The following PARN variants were observed in gnomAD, a reference collection of about 807,000 sequenced individuals.
PARN encodes poly(A)-specific ribonuclease PARN.
Under a neutral mutation model 102.8 loss-of-function variants are expected in PARN, and 71 were observed. The ratio of observed to expected loss-of-function variants is 0.69; its 90% CI spans 0.57 to 0.84. The LOEUF (loss-of-function observed/expected upper bound fraction) is 0.84. Among genes scored for constraint, PARN ranks in the 40% least tolerant of loss-of-function variants. PARN has a pLI of 0.00. For missense variants in PARN, 782 were observed against 760.9 expected, an observed-to-expected ratio of 1.03 and a Z score of -0.33; for synonymous variants, 261 against 252.9, an observed-to-expected ratio of 1.03 and a Z score of -0.30.
rs539002176 is a variant in PARN at position 14,621,562 on chromosome 16, G to A, written c.328-3912C>T. 5.3e-4 allele frequency among the ~76,000 whole-genome samples: 80 copies of A among 151,822 alleles called. 2 individuals are homozygous for A. Among genetic ancestry groups the A allele is most frequent in the African/African-American group, 1.9e-3 (77 of 41,416 alleles). ...ACACGGTGGCTCACGCCTGTAATCC[G>A]AGCACTTTGGGAGGCGAGGCAGGCA... On this transcript the variant is annotated intron_variant, in intron 5 of 23. Coordinates refer to ENST00000437198, the MANE Select transcript of PARN (RefSeq NM_002582.4).
At chr16:14,501,435 CAAAAAAAAAAAAAAAAAA>C (rs56703058) in intron 21 of PARN, 4 of 27,592 alleles carry the variant, frequency 1.4e-4, no homozygotes, top group Non-Finnish European at 3.3e-4. Flanking sequence ...CAAGACTGTC[CAAAAAAAAAAAAAAAAAA>C]AAAAAAACAG....
chr16:14,610,953 T>C (rs1971487368), intron 6 of PARN, 144 bp from the exon 7 acceptor site: 1 of 623,612 alleles, frequency 1.6e-6, no homozygotes, highest in South Asian at 1.9e-5. Flanking sequence ...AGGCAAATGA[T>C]TTTGAAATGT....
chr16:14,461,884 T>C (rs555485750), intron 22 of PARN, among the ~76,000 whole-genome samples: 12 of 152,292 alleles, frequency 7.9e-5, no homozygotes, highest in African/African-American at 1.9e-4. Flanking sequence ...TCTGAGTGAA[T>C]AGAATAATGA....
Position 14,581,950 on chromosome 16 carries a change from G to A in PARN, c.1192+231C>T, listed in dbSNP as rs149639915. ...TTCTGCTCTCTCTGCTCTCCACCACGTAAGGACAGGAGAAGGCAGCCATCT... is the reference window on the plus strand; with the variant it reads ...TTCTGCTCTCTCTGCTCTCCACCACATAAGGACAGGAGAAGGCAGCCATCT... On this transcript the variant is annotated intron_variant, in intron 17 of 23. Transcript: ENST00000437198. 1.0e-3 allele frequency among the ~76,000 whole-genome samples: 157 copies of A among 152,310 alleles called. 1 individual carries two copies. Among genetic ancestry groups the A allele is most frequent in the African/African-American group, 3.4e-3 (143 of 41,580 alleles).
intron 23 of PARN, among the ~76,000 whole-genome samples, chr16:14,438,006 G>A (rs1345359314): frequency 6.6e-6 from 1 of 152,164 alleles, no homozygotes; most frequent in Non-Finnish European, 1.5e-5. Flanking sequence ...AAGGGTAACC[G>A]GACTCTTTCT....
At chr16:14,529,963 G>A (rs530387532) in intron 21 of PARN, among the ~76,000 whole-genome samples, 6 of 149,412 alleles carry the variant, frequency 4.0e-5, no homozygotes, top group South Asian at 2.1e-4. Flanking sequence ...AACTCTAAAC[G>A]ATTCCTTAAT....
chr16:14,539,987 C>G (rs1375973067), intron 21 of PARN, among the ~76,000 whole-genome samples: 1 of 152,146 alleles, frequency 6.6e-6, no homozygotes, highest in East Asian at 1.9e-4. Flanking sequence ...TTTAAGTATA[C>G]AGGAGGATAT....
In PARN at chr16:14,468,875, CTAAA is replaced by C. The variant is rs200328342; in HGVS notation, c.1670+13759_1670+13762del. Among the ~76,000 whole-genome samples the C allele has an allele frequency of 7.7e-3, 713 of 92,536 alleles. 5 individuals are homozygous for C. The highest frequency in any genetic ancestry group is 0.028 in the African/African-American group (584 of 20,972). The allele number at this position is 92,536 out of a possible 152,430, so 60.7% of individuals were successfully genotyped here. A position where few individuals can be genotyped will look rare whatever the true frequency, so the allele number is the denominator to read the frequency against. On this transcript the variant is annotated intron_variant, in intron 22 of 23. Transcript: ENST00000437198. The stretch of plus-strand genomic sequence containing the variant: ...GGGGCAACACAGCAAGATCCCATTA[CTAAA>C]TAGATAGATAGATAGATAGATAGAT...
intron 13 of PARN, among the ~76,000 whole-genome samples, 159 bp downstream of exon 13, chr16:14,593,142 A>T (rs1229495919): frequency 6.6e-6 from 1 of 152,172 alleles, no homozygotes; most frequent in Non-Finnish European, 1.5e-5. Context: ...AAGGAAAAAA[A>T]AATGTGCAAC....
rs1193238168 is a variant in PARN at position 14,532,811 on chromosome 16, A to AC, written c.1480+19209dup. Among the ~76,000 whole-genome samples, 1,098 of 135,238 alleles carry AC rather than the reference A, an allele frequency of 8.1e-3. 17 individuals are homozygous for AC. Among genetic ancestry groups the AC allele is most frequent in the African/African-American group, 0.028 (1,021 of 35,906 alleles). The allele number at this position is 135,238 out of a possible 152,430, so 88.7% of individuals were successfully genotyped here. On this transcript the variant is annotated intron_variant, in intron 21 of 23. Coordinates refer to ENST00000437198, the MANE Select transcript of PARN (RefSeq NM_002582.4). ...GGGCGGCTGGCCGGGCGGGGGGCTG[A>AC]CCCCCCCACCTCCCTCCCGGACGGG...
intron 22 of PARN, among the ~76,000 whole-genome samples, chr16:14,469,184 C>T (rs910013998): frequency 1.3e-5 from 2 of 152,040 alleles, no homozygotes; most frequent in African/African-American, 4.8e-5. Flanking sequence ...ATAATCCTAG[C>T]TACTTGGGAG....
intron 6 of PARN, among the ~76,000 whole-genome samples, chr16:14,616,937 G>A (rs1476266207): frequency 6.6e-6 from 1 of 152,114 alleles, no homozygotes; most frequent in Non-Finnish European, 1.5e-5. Context: ...CACAGGTGGT[G>A]AGTTAGGCCA....
chr16:14,446,772 C>T (rs1156902811), intron 23 of PARN, 116 bp downstream of exon 23: 1 of 670,172 alleles, frequency 1.5e-6, no homozygotes, highest in Non-Finnish European at 2.5e-6. Context: ...TGGTGGAAGA[C>T]TACATGGGCT....
At chr16:14,605,528 A>C (rs1971125961) in intron 10 of PARN, among the ~76,000 whole-genome samples, 1 of 152,164 alleles carries the variant, frequency 6.6e-6, no homozygotes, top group Non-Finnish European at 1.5e-5. Context: ...AAACTTACAT[A>C]TATATGTTGT....
intron 5 of PARN, among the ~76,000 whole-genome samples, chr16:14,623,066 T>A (rs1195249239): frequency 6.7e-6 from 1 of 150,016 alleles, no homozygotes; most frequent in African/African-American, 2.5e-5. Flanking sequence ...ACAACATCAC[T>A]GCACTCTAGC....
At chr16:14,451,843 T>TAAAAAAAA (rs1184998225) in intron 22 of PARN, among the ~76,000 whole-genome samples, 30 of 54,572 alleles carry the variant, frequency 5.5e-4, no homozygotes, top group Middle Eastern at 0.01. Flanking sequence ...ACCCCGTCTC[T>TAAAAAAAA]AAAAAAAAAA....
intron 21 of PARN, among the ~76,000 whole-genome samples, chr16:14,535,035 T>C (rs964445489): frequency 5.9e-5 from 9 of 152,188 alleles, no homozygotes; most frequent in African/African-American, 9.6e-5. Flanking sequence ...GGTTTCTCCA[T>C]GTTGGTCAGG....
At chr16:14,572,382 G>C (rs1174366012) in intron 18 of PARN, among the ~76,000 whole-genome samples, 1 of 152,060 alleles carries the variant, frequency 6.6e-6, no homozygotes, top group East Asian at 1.9e-4. Context: ...TTGACACTGG[G>C]AAGAAATCTT....
intron 21 of PARN, among the ~76,000 whole-genome samples, chr16:14,497,643 A>T (rs1370162301): frequency 6.6e-6 from 1 of 152,238 alleles, no homozygotes; most frequent in African/African-American, 2.4e-5. Flanking sequence ...ATACGCAAAC[A>T]GCCTGACAGA....
Sources: allele counts gnomAD v4.1 joint callset (sites outside exome capture counted in the v4.1 genomes callset), GRCh38; gene constraint gnomAD v4.1.1; transcripts MANE v1.5; gene names NCBI Gene and HGNC (gene_info 2026-07-23, HGNC 2026-07-21).